The following CNTNAP1 variants were observed in gnomAD, a reference collection of about 807,000 sequenced individuals.
CNTNAP1 encodes contactin-associated protein 1.
CNTNAP1 carries 80 observed loss-of-function variants against 161.5 expected under a neutral mutation model. That is an observed-to-expected ratio of 0.50 (90% CI 0.41 to 0.60). The LOEUF is 0.60. CNTNAP1 is among the 20% of genes least tolerant of loss of function. The probability of loss-of-function intolerance (pLI) is 0.00; values close to 1 mark genes in which losing one functional copy is unlikely to be tolerated. For missense variants in CNTNAP1, 1,464 were observed against 1,854.8 expected (o/e 0.79, Z 3.87); for synonymous variants, 695 against 733.1 (o/e 0.95, Z 0.84).
chr17:42,685,946 C>T lies in CNTNAP1; in HGVS notation c.716-11C>T, dbSNP rs900882401. ...GGCTTGAGGTTTCACTCTGTCCTGCCCCACCCTCAGGCAGCAGCCCTATCC... is the reference window on the plus strand; with the variant it reads ...GGCTTGAGGTTTCACTCTGTCCTGCTCCACCCTCAGGCAGCAGCCCTATCC... On this transcript the variant is annotated splice_polypyrimidine_tract_variant and intron_variant, in intron 5 of 23. Transcript: ENST00000264638. This position sits in a 1 kb window ranked among gnomAD's most constrained non-coding sequence, Gnocchi z 5.0. The T allele has an allele frequency of 1.2e-6, 2 of 1,613,794 alleles. No homozygotes were observed. Among genetic ancestry groups the T allele is most frequent in the Non-Finnish European group, 1.7e-6 (2 of 1,179,796 alleles).
At chr17:42,689,881 C>T (rs2053062962) in intron 11 of CNTNAP1, 1 of 591,716 alleles carries the variant, frequency 1.7e-6, no homozygotes. Flanking sequence ...GCTGGGACTA[C>T]AGGTGCACAC....
chr17:42,698,776 C>G lies in CNTNAP1; in HGVS notation c.4021C>G (p.Gln1341Glu), dbSNP rs143154224. 2.1e-5 allele frequency: 34 copies of G among 1,612,418 alleles called. No homozygotes were observed. The highest frequency in any genetic ancestry group is 2.8e-5 in the Non-Finnish European group (33 of 1,179,900). The change falls in exon 24 of 24, where the codon CAG (glutamine) becomes GAG (glutamate). Residue 1341 changes from glutamine (Q) to glutamate (E), a missense_variant. Gln to Glu is a conservative substitution (Grantham distance 29, BLOSUM62 2). Around this residue, in one of 3 missense-constraint regions of CNTNAP1, gnomAD observed 1,383 missense variants for 1,765.0 expected, o/e 0.78. Coordinates refer to ENST00000264638, the MANE Select transcript of CNTNAP1 (RefSeq NM_003632.3). ...TCCCCTACCCACTTCAGGCCCTGCC[C>G]AGGTCCCCACCCCTACAGCAGCTCC... ...KPPLPTSGPA[Q>E]VPTPTAAPNQ...
chr17:42,697,648 C>A lies in CNTNAP1; in HGVS notation c.3663C>A (p.Leu1221=). Residue 1221 remains leucine (L), a synonymous_variant, in exon 22 of 24, where the codon CTC becomes CTA. Coordinates refer to ENST00000264638, the MANE Select transcript of CNTNAP1 (RefSeq NM_003632.3). Reference sequence around the variant, plus strand: ...TTCGATTCAACAACGTGGCTCCCCTCAAGACCCACTTCCGAACCCCTCGAC... The same window carrying A: ...TTCGATTCAACAACGTGGCTCCCCTAAAGACCCACTTCCGAACCCCTCGAC... ...SGVRFNNVAP[L]KTHFRTPRPM... The A allele has an allele frequency of 6.2e-7, 1 of 1,614,158 alleles. No individual in the cohort carries two copies. The highest frequency in any genetic ancestry group is 8.5e-7 in the Non-Finnish European group (1 of 1,180,020).
chr17:42,683,157 C>T (rs1338513832), intron 1 of CNTNAP1: 2 of 584,412 alleles, frequency 3.4e-6, no homozygotes, highest in Non-Finnish European at 5.9e-6. Context: ...CAAGCAGGAG[C>T]TGGTGCCTGG....
rs573797085 is a variant in CNTNAP1 at position 42,699,050 on chromosome 17, G to A, written c.*140G>A. On this transcript the variant is annotated 3_prime_UTR_variant, in exon 24 of 24. Transcript: ENST00000264638. ...TATTCCCCCATCCCCCCCCCATCAA[G>A]TTTGGTGGGCAGAGCTACAGATGGG... is the stretch of plus-strand genomic sequence containing the variant. 12 of 672,078 alleles carry A rather than the reference G, an allele frequency of 1.8e-5. No homozygotes were observed. The African/African-American group carries it at 2.2e-4, about 12-fold the overall frequency. 41.6% of individuals were successfully genotyped at this position (672,078 alleles called of 1,614,324 possible).
Position 42,699,549 on chromosome 17 carries a change from A to G in CNTNAP1, c.*639A>G, listed in dbSNP as rs1457818571. The G allele has an allele frequency of 6.5e-6, 1 of 152,786 alleles. No homozygotes were observed. Among genetic ancestry groups the G allele is most frequent in the African/African-American group, 2.4e-5 (1 of 41,452 alleles). 9.5% of individuals were successfully genotyped at this position (152,786 alleles called of 1,614,324 possible). On this transcript the variant is annotated 3_prime_UTR_variant, in exon 24 of 24. Transcript: ENST00000264638. Reference sequence around the variant, plus strand: ...ATAAAAAACCTGCAACGTAGAGAAAATAATGCAGATACCCTGACTAGCCAG... The same window carrying G: ...ATAAAAAACCTGCAACGTAGAGAAAGTAATGCAGATACCCTGACTAGCCAG...
intron 3 of CNTNAP1, among the ~76,000 whole-genome samples, chr17:42,684,760 T>C: frequency 6.6e-6 from 1 of 151,150 alleles, no homozygotes; most frequent in East Asian, 2.0e-4. Flanking sequence ...CCCGTCTCTA[T>C]GAAAAATACA....
chr17:42,693,626 TATC>T, intron 18 of CNTNAP1, 90 bp downstream of exon 18: 1 of 1,535,378 alleles, frequency 6.5e-7, no homozygotes, highest in Non-Finnish European at 8.8e-7. Context: ...GTAAAGCCCA[TATC>T]ATGGAAAATT....
intron 10 of CNTNAP1, among the ~76,000 whole-genome samples, 162 bp downstream of exon 10, chr17:42,689,209 C>T (rs994816395): frequency 1.3e-5 from 2 of 152,020 alleles, no homozygotes; most frequent in South Asian, 4.1e-4. Context: ...CTATTTCTTC[C>T]CTTAAGGTGA....
Position 42,691,375 on chromosome 17 carries a change from C to A in CNTNAP1, c.2217-9C>A, listed in dbSNP as rs778575759. ...GCTGGGGCTGAGCCATGACATCCTG[C>A]CCCCACAGGAGAACTGACAAGGGAC... is the stretch of plus-strand genomic sequence containing the variant. On this transcript the variant is annotated splice_polypyrimidine_tract_variant and intron_variant, in intron 14 of 23. Coordinates refer to ENST00000264638, the MANE Select transcript of CNTNAP1 (RefSeq NM_003632.3). The surrounding 1 kb of genome is among the most constrained non-coding windows in gnomAD (Gnocchi z 4.3). 1.2e-6 allele frequency: 2 copies of A among 1,613,968 alleles called. No homozygotes were observed. The highest frequency in any genetic ancestry group is 1.7e-6 in the Non-Finnish European group (2 of 1,179,944).
At chr17:42,693,139 T>G (rs2053111858) in intron 17 of CNTNAP1, among the ~76,000 whole-genome samples, 158 bp from the exon 18 acceptor site, 1 of 152,064 alleles carries the variant, frequency 6.6e-6, no homozygotes, top group Non-Finnish European at 1.5e-5. Flanking sequence ...TTTGTATTTT[T>G]TAGTAGAGAC....
Position 42,691,757 on chromosome 17 carries a change from T to C in CNTNAP1, c.2345-49T>C. ...CCCCAACCCCAGGTTCTCTTCCTCCTCCACCCTCCAATCTCCCTGACAAGA... is the reference window on the plus strand; with the variant it reads ...CCCCAACCCCAGGTTCTCTTCCTCCCCCACCCTCCAATCTCCCTGACAAGA... On this transcript the variant is annotated intron_variant, in intron 15 of 23. Transcript: ENST00000264638. The surrounding 1 kb of genome is among the most constrained non-coding windows in gnomAD (Gnocchi z 4.3). 1 of 1,577,644 alleles carries C rather than the reference T, an allele frequency of 6.3e-7. No homozygotes were observed.
intron 1 of CNTNAP1, 108 bp from the exon 2 acceptor site, chr17:42,683,713 G>A (rs999378805): frequency 4.1e-6 from 6 of 1,478,336 alleles, no homozygotes; most frequent in Non-Finnish European, 4.5e-6. Context: ...GCCTCTGGGG[G>A]CGGGGGTTGG....
In CNTNAP1 at chr17:42,693,533, C is replaced by T; in HGVS notation, c.2989C>T (p.His997Tyr). The T allele has an allele frequency of 6.2e-7, 1 of 1,612,724 alleles. No individual in the cohort carries two copies. Among genetic ancestry groups the T allele is most frequent in the Non-Finnish European group, 8.5e-7 (1 of 1,178,772 alleles). ...GGCTTTTGATGGGCCATACTGCAAC[C>T]ACGGTAAGTGCTGCTGGTTATGGGG... ...LTAFDGPYCN[H>Y]DIGGFFEPGT... The change falls in exon 18 of 24, where the codon CAC (histidine) becomes TAC (tyrosine). Residue 997 changes from histidine to tyrosine, a missense_variant. His to Tyr is a moderately conservative substitution (Grantham distance 83). Transcript: ENST00000264638.
At position 42,687,261 on chromosome 17, in the gene CNTNAP1, T is replaced by C; in HGVS notation, c.1044+215T>C. 2 of 599,880 alleles carry C rather than the reference T, an allele frequency of 3.3e-6. No individual in the cohort carries two copies. 37.2% of individuals were successfully genotyped at this position (599,880 alleles called of 1,614,324 possible). ...GCAGTGGTCGGGTCCAATCACCTTC[T>C]TAGTTCATAGATGAAGAAAGTAAGG... On this transcript the variant is annotated intron_variant, in intron 7 of 23. Coordinates refer to ENST00000264638, the MANE Select transcript of CNTNAP1 (RefSeq NM_003632.3). The surrounding 1 kb of genome is among the most constrained non-coding windows in gnomAD (Gnocchi z 4.7).
intron 19 of CNTNAP1, 44 bp downstream of exon 19, chr17:42,695,918 G>C (rs761975064): frequency 1.3e-6 from 2 of 1,596,668 alleles, no homozygotes; most frequent in African/African-American, 2.7e-5. Flanking sequence ...GCTTCACCCC[G>C]GTGCCCCTAA....
chr17:42,685,494 T>G lies in CNTNAP1; in HGVS notation c.715+74T>G. The G allele has an allele frequency of 7.4e-7, 1 of 1,349,420 alleles. No individual in the cohort carries two copies. Among genetic ancestry groups the G allele is most frequent in the African/African-American group, 1.4e-5 (1 of 69,594 alleles). 83.6% of individuals were successfully genotyped at this position (1,349,420 alleles called of 1,614,324 possible). A position where few individuals can be genotyped will look rare whatever the true frequency, so the allele number is the denominator to read the frequency against. On this transcript the variant is annotated intron_variant, in intron 5 of 23. Transcript: ENST00000264638. The surrounding 1 kb of genome is among the most constrained non-coding windows in gnomAD (Gnocchi z 5.0). ...TCACCGCCCTCCTCGTGGCACCTCCTCCGCGCATCCGCGCTCAGCCTGGTC... is the reference window on the plus strand; with the variant it reads ...TCACCGCCCTCCTCGTGGCACCTCCGCCGCGCATCCGCGCTCAGCCTGGTC...
chr17:42,695,584 C>T lies in CNTNAP1; in HGVS notation c.3056C>T (p.Ser1019Phe), dbSNP rs1366528827. ...MRYNLQSALR[S>F]AAREFSHMLS... The stretch of plus-strand genomic sequence containing the variant: ...TATAACCTACAGTCAGCGCTGCGCT[C>T]TGCAGCCAGGGAGTTCTCCCACATG... Residue 1019 changes from serine (S) to phenylalanine (F), a missense_variant, in exon 19 of 24, where the codon TCT becomes TTT. By Grantham distance (155) the Ser-to-Phe change is radical (BLOSUM62 -2). This residue lies in a region of CNTNAP1 where 1,383 missense variants were observed against 1,765.0 expected (regional missense o/e 0.78). Coordinates refer to ENST00000264638, the MANE Select transcript of CNTNAP1 (RefSeq NM_003632.3). 1.2e-6 allele frequency: 2 copies of T among 1,614,040 alleles called. No individual in the cohort carries two copies. Among genetic ancestry groups the T allele is most frequent in the Non-Finnish European group, 1.7e-6 (2 of 1,180,018 alleles).
At chr17:42,683,421 T>G in intron 1 of CNTNAP1, 1 of 1,089,666 alleles carries the variant, frequency 9.2e-7, no homozygotes, top group Non-Finnish European at 1.1e-6. Context: ...GGCCTGTATT[T>G]GGGGATGGTG....
Sources: allele counts gnomAD v4.1 joint callset (sites outside exome capture counted in the v4.1 genomes callset), GRCh38; gene constraint gnomAD v4.1.1; regional missense constraint gnomAD v4.1.1; non-coding constraint Gnocchi (gnomAD v3.1); transcripts MANE v1.5; gene names NCBI Gene and HGNC (gene_info 2026-07-23, HGNC 2026-07-21).